The following SLC4A1AP variants were observed in gnomAD, a reference collection of about 807,000 sequenced individuals.
SLC4A1AP encodes the protein solute carrier family 4 member 1 adaptor protein, also known as kanadaptin.
In SLC4A1AP, 64 loss-of-function variants were observed where a neutral mutation model predicts 89.7. The observed-to-expected ratio is 0.71, with a 90% CI of 0.58 to 0.88. The LOEUF (loss-of-function observed/expected upper bound fraction) is 0.88. SLC4A1AP is among the 40% of genes least tolerant of loss of function. SLC4A1AP has a pLI of 0.00. For missense variants in SLC4A1AP, 931 were observed against 965.0 expected, an observed-to-expected ratio of 0.96 and a Z score of 0.47; for synonymous variants, 366 against 353.3, an observed-to-expected ratio of 1.04 and a Z score of -0.40.
intron 8 of SLC4A1AP, among the ~76,000 whole-genome samples, chr2:27,679,433 T>C (rs1305903864): frequency 6.6e-6 from 1 of 152,022 alleles, no homozygotes; most frequent in East Asian, 1.9e-4. Context: ...AAACCCTGTC[T>C]CTACTAAAAA....
At chr2:27,673,616 A>G (rs1675467180) in intron 5 of SLC4A1AP, among the ~76,000 whole-genome samples, 1 of 151,966 alleles carries the variant, frequency 6.6e-6, no homozygotes, top group Admixed American at 6.6e-5. Flanking sequence ...GGTGCACACC[A>G]CCATGCCCAG....
chr2:27,675,478 CTTTT>C, intron 5 of SLC4A1AP, 50 bp from the exon 6 acceptor site: 1 of 1,326,624 alleles, frequency 7.5e-7, no homozygotes, highest in Non-Finnish European at 1.0e-6. Context: ...TGCCTTCTTT[CTTTT>C]TCTTTTCTTT....
intron 5 of SLC4A1AP, among the ~76,000 whole-genome samples, chr2:27,673,146 C>T (rs551638515): frequency 3.7e-4 from 56 of 152,228 alleles, no homozygotes; most frequent in African/African-American, 1.3e-3. Context: ...GTATCCATCC[C>T]CAGTTGCAGA....
chr2:27,663,986 T>G, exon 1 of SLC4A1AP: 1 of 1,614,194 alleles, frequency 6.2e-7, no homozygotes, highest in Non-Finnish European at 8.5e-7. Flanking sequence ...AGAAGCCAGC[T>G]CTGCCGGTGT....
At chr2:27,687,785 T>C in intron 10 of SLC4A1AP, 149 bp from the exon 11 acceptor site, 1 of 595,864 alleles carries the variant, frequency 1.7e-6, no homozygotes, top group South Asian at 2.2e-5. Flanking sequence ...AACATATTTA[T>C]TTAAAACCTT....
chr2:27,689,421 A>G (rs1269970254), intron 12 of SLC4A1AP, among the ~76,000 whole-genome samples: 1 of 152,158 alleles, frequency 6.6e-6, no homozygotes, highest in Non-Finnish European at 1.5e-5. Flanking sequence ...ATGATATACT[A>G]CAGCAAAAGG....
chr2:27,685,685 A>G lies in SLC4A1AP; in HGVS notation c.2116+408A>G, dbSNP rs148843504. ...CCATCCCTAAAACAGAGGCCAAACC[A>G]TAATTGTACTCATTGGACTAAAGTT... On this transcript the variant is annotated intron_variant, in intron 10 of 13. Coordinates refer to ENST00000613058, the Ensembl canonical transcript of SLC4A1AP. Among the ~76,000 whole-genome samples the G allele has an allele frequency of 1.3e-3, 193 of 152,278 alleles. 2 individuals are homozygous for G. Among genetic ancestry groups the G allele is most frequent in the African/African-American group, 4.5e-3 (187 of 41,556 alleles).
intron 10 of SLC4A1AP, 79 bp downstream of exon 10, chr2:27,685,356 A>C: frequency 6.6e-7 from 1 of 1,517,124 alleles, no homozygotes; most frequent in Non-Finnish European, 8.8e-7. Context: ...AAGCAAGGCC[A>C]GTTCTTGTCT....
At chr2:27,668,153 C>CT (rs397957441) in intron 3 of SLC4A1AP, among the ~76,000 whole-genome samples, 5,828 of 144,588 alleles carry the variant, frequency 0.04, 351 homozygotes, top group African/African-American at 0.13. Context: ...GGAACTTGTT[C>CT]TTTTTTTTTT....
chr2:27,691,513 G>C lies in SLC4A1AP; in HGVS notation c.2272-2172G>C, dbSNP rs1572997647. The C allele has an allele frequency of 2.7e-5, 4 of 148,796 alleles. No homozygotes were observed. In the South Asian group the frequency reaches 8.5e-4, roughly 32 times the overall value. The allele number at this position is 148,796 out of a possible 1,614,324, so 9.2% of individuals were successfully genotyped here. On this transcript the variant is annotated intron_variant, in intron 12 of 13. Transcript: ENST00000613058. ...CCTTTTTTTTCATTGATCTTTTGCA[G>C]TTTCTTTTGTTTCAATTTCATTTAG...
rs1403175072 is a variant in SLC4A1AP, at chr2:27,675,531, G to C, written c.1346-1G>C. On this transcript the variant is annotated splice_acceptor_variant, in intron 5 of 13. Coordinates refer to ENST00000613058, the Ensembl canonical transcript of SLC4A1AP. LOFTEE classifies it high-confidence loss of function. ...TTATTCATCATTTTATCTACCTCTA[G>C]TATCTCGGAAAAGGAAAGCCAAGAA... 1 of 1,560,922 alleles carries C rather than the reference G, an allele frequency of 6.4e-7. No homozygotes were observed. The highest frequency in any genetic ancestry group is 1.2e-5 in the South Asian group (1 of 81,426).
At chr2:27,678,389 C>T (rs1675558765) in intron 8 of SLC4A1AP, among the ~76,000 whole-genome samples, 1 of 151,992 alleles carries the variant, frequency 6.6e-6, no homozygotes, top group Non-Finnish European at 1.5e-5. Context: ...AAACATCAGC[C>T]AGCCATGTTG....
In SLC4A1AP at chr2:27,682,135, A is replaced by AT. The variant is rs1675629016; in HGVS notation, c.1764-109dup. 4 of 656,248 alleles carry AT rather than the reference A, an allele frequency of 6.1e-6. No homozygotes were observed. The South Asian group carries it at 8.1e-5, about 13-fold the overall frequency. The allele number at this position is 656,248 out of a possible 1,614,324, so 40.7% of individuals were successfully genotyped here. The stretch of plus-strand genomic sequence containing the variant: ...CTTATTGTTATATGCTTAGATATTC[A>AT]TTTTGTGGTAATTTTTATTTTGCCA... On this transcript the variant is annotated intron_variant, in intron 8 of 13. Transcript: ENST00000613058.
intron 5 of SLC4A1AP, among the ~76,000 whole-genome samples, chr2:27,674,088 C>G (rs1675475982): frequency 6.6e-6 from 1 of 151,260 alleles, no homozygotes; most frequent in Admixed American, 6.6e-5. Flanking sequence ...AGATTCTTAC[C>G]CTGTGCTGAA....
intron 5 of SLC4A1AP, among the ~76,000 whole-genome samples, chr2:27,672,130 G>T (rs1675435772): frequency 6.6e-6 from 1 of 151,872 alleles, no homozygotes; most frequent in Non-Finnish European, 1.5e-5. Context: ...CTTTTCTGTG[G>T]GTCTATTTTT....
intron 3 of SLC4A1AP, chr2:27,668,592 G>A (rs1194993755): frequency 1.6e-6 from 1 of 642,082 alleles, no homozygotes; most frequent in Non-Finnish European, 2.9e-6. Flanking sequence ...TGGGACAAAA[G>A]TCACGTACCA....
intron 2 of SLC4A1AP, 91 bp downstream of exon 2, chr2:27,665,386 A>G: frequency 2.6e-6 from 3 of 1,138,370 alleles, no homozygotes; most frequent in Non-Finnish European, 3.7e-6. Context: ...ACAGCTTTTC[A>G]TGGCTCCTTG....
intron 6 of SLC4A1AP, among the ~76,000 whole-genome samples, chr2:27,676,010 TGA>T (rs1675515477): frequency 6.6e-6 from 1 of 152,204 alleles, no homozygotes; most frequent in East Asian, 1.9e-4. Flanking sequence ...GAGGTGAAAT[TGA>T]CTTTAGCCTT....
chr2:27,694,032 C>T (rs1473934081), intron 13 of SLC4A1AP, among the ~76,000 whole-genome samples: 1 of 151,774 alleles, frequency 6.6e-6, no homozygotes, highest in Non-Finnish European at 1.5e-5. Flanking sequence ...GGAAAAAGTC[C>T]TTGTCTTCTA....
Sources: allele counts gnomAD v4.1 joint callset (sites outside exome capture counted in the v4.1 genomes callset), GRCh38; gene constraint gnomAD v4.1.1; transcripts MANE v1.5; gene names NCBI Gene and HGNC (gene_info 2026-07-23, HGNC 2026-07-21).